Variants in CPA6 observed in about 807,000 individuals in gnomAD.
The protein encoded by CPA6 is carboxypeptidase A6.
Under a neutral mutation model 63.3 loss-of-function variants are expected in CPA6, and 58 were observed. The ratio of observed to expected loss-of-function variants is 0.92; its 90% confidence interval spans 0.74 to 1.14. The LOEUF (loss-of-function observed/expected upper bound fraction) is 1.14, where lower values mean the gene tolerates loss of function less well. Among genes scored for constraint, CPA6 ranks in the 50% most tolerant of loss-of-function variants. The probability of loss-of-function intolerance (pLI) is 0.00; values close to 1 mark genes in which losing one functional copy is unlikely to be tolerated. For missense variants in CPA6, 565 were observed against 526.6 expected (o/e 1.07, Z -0.71); for synonymous variants, 185 against 179.0 (o/e 1.03, Z -0.27).
At chr8:67,580,326 C>A (rs535611880) in intron 2 of CPA6, among the ~76,000 whole-genome samples, 67 of 152,338 alleles carry the variant, frequency 4.4e-4, no homozygotes, top group African/African-American at 1.6e-3. Flanking sequence ...CTTCTACCAA[C>A]ACAAGTTGAG....
intron 8 of CPA6, among the ~76,000 whole-genome samples, chr8:67,437,177 C>T (rs1273112446): frequency 2.0e-5 from 3 of 152,116 alleles, no homozygotes; most frequent in Non-Finnish European, 4.4e-5. Context: ...GGGCGGATCA[C>T]GAGGTCAGGA....
intron 2 of CPA6, among the ~76,000 whole-genome samples, chr8:67,583,820 C>T (rs752882582): frequency 3.3e-5 from 5 of 151,932 alleles, no homozygotes; most frequent in Non-Finnish European, 7.4e-5. Context: ...GAAAATAATA[C>T]GGGTACTATA....
rs956019975 is a variant in CPA6, at chr8:67,575,916, C to T, written c.192+48260G>A. Among the ~76,000 whole-genome samples, 111 of 150,834 alleles carry T rather than the reference C, an allele frequency of 7.4e-4. 2 individuals are homozygous for T. The highest frequency in any genetic ancestry group is 9.2e-4 in the Admixed American group (14 of 15,156). On this transcript the variant is annotated intron_variant, in intron 2 of 10. Transcript: ENST00000297770. ...AAAAAATCATGTGAAGTGAAATAAA[C>T]CAAACACAGAAAAACAAATAACACA...
chr8:67,452,682 G>A (rs2128955896), intron 8 of CPA6: 1 of 152,332 alleles, frequency 6.6e-6, no homozygotes, highest in East Asian at 1.9e-4. Flanking sequence ...CACAGTGAAA[G>A]CGAGAATTCT....
At chr8:67,443,955 CT>C (rs1336567186) in intron 8 of CPA6, among the ~76,000 whole-genome samples, 1 of 150,990 alleles carries the variant, frequency 6.6e-6, no homozygotes, top group Non-Finnish European at 1.5e-5. Flanking sequence ...TTGATAACAT[CT>C]TACCTCTCTG....
chr8:67,526,663 A>T (rs1812370402), intron 2 of CPA6, among the ~76,000 whole-genome samples: 1 of 152,184 alleles, frequency 6.6e-6, no homozygotes, highest in Non-Finnish European at 1.5e-5. Context: ...CTATCAGGCC[A>T]GGTGGTTGGG....
At chr8:67,683,968 G>T (rs568590645) in intron 1 of CPA6, among the ~76,000 whole-genome samples, 1 of 141,786 alleles carries the variant, frequency 7.1e-6, no homozygotes, top group East Asian at 2.1e-4. Flanking sequence ...GGGACTAGAG[G>T]CACATGCTGT....
intron 2 of CPA6, among the ~76,000 whole-genome samples, chr8:67,544,547 T>C (rs1303046530): frequency 1.3e-5 from 2 of 152,140 alleles, no homozygotes; most frequent in Non-Finnish European, 2.9e-5. Context: ...AAAACAGATG[T>C]CCCATATCCT....
intron 8 of CPA6, among the ~76,000 whole-genome samples, chr8:67,450,344 G>A (rs1810527906): frequency 6.6e-6 from 1 of 152,060 alleles, no homozygotes; most frequent in Admixed American, 6.6e-5. Context: ...CCCTCTTATA[G>A]ATAACTAAAC....
intron 1 of CPA6, among the ~76,000 whole-genome samples, chr8:67,712,097 C>T (rs1409024021): frequency 1.3e-5 from 2 of 152,128 alleles, no homozygotes; most frequent in Non-Finnish European, 2.9e-5. Flanking sequence ...CCACCGAGCT[C>T]GACCTGTGCA....
intron 1 of CPA6, among the ~76,000 whole-genome samples, chr8:67,629,431 T>C (rs1815268152): frequency 6.9e-6 from 1 of 145,030 alleles, no homozygotes; most frequent in Admixed American, 7.0e-5. Flanking sequence ...CAGTGAGCTA[T>C]GATCAAGGCA....
At chr8:67,547,077 C>T (rs879845497) in intron 2 of CPA6, among the ~76,000 whole-genome samples, 21 of 152,062 alleles carry the variant, frequency 1.4e-4, no homozygotes, top group African/African-American at 2.7e-4. Context: ...GATGGAGTCT[C>T]GCTCTGTCAC....
intron 9 of CPA6, among the ~76,000 whole-genome samples, chr8:67,431,528 C>G (rs1366538705): frequency 6.6e-6 from 1 of 151,976 alleles, no homozygotes; most frequent in Non-Finnish European, 1.5e-5. Context: ...GTGCCCAGCC[C>G]TCATACAATA....
intron 1 of CPA6, among the ~76,000 whole-genome samples, chr8:67,670,065 G>A (rs549542492): frequency 6.6e-6 from 1 of 152,294 alleles, no homozygotes; most frequent in Admixed American, 6.5e-5. Context: ...TCCTTTGAGA[G>A]GTGTAAAGAA....
intron 1 of CPA6, among the ~76,000 whole-genome samples, chr8:67,714,103 A>G (rs1365973499): frequency 6.6e-6 from 1 of 152,204 alleles, no homozygotes; most frequent in Non-Finnish European, 1.5e-5. Context: ...AAATGTTCCA[A>G]GTATCTATAA....
intron 8 of CPA6, among the ~76,000 whole-genome samples, chr8:67,448,639 G>GAAAAAAAAAAAAAAAAAAAAAAAAAAAA (rs61317091): frequency 1.3e-4 from 3 of 23,292 alleles, no homozygotes; most frequent in African/African-American, 5.0e-4. Context: ...CTCAAAAAAG[G>GAAAAAAAAAAAAAAAAAAAAAAAAAAAA]AAAAAAAAAA....
chr8:67,447,562 AGGT>A (rs2128955200), intron 8 of CPA6, among the ~76,000 whole-genome samples: 1 of 150,750 alleles, frequency 6.6e-6, no homozygotes, highest in East Asian at 1.9e-4. Flanking sequence ...CATTTTAAAT[AGGT>A]GATAAATTCA....
At chr8:67,441,190 C>G (rs1466938795) in intron 8 of CPA6, among the ~76,000 whole-genome samples, 1 of 152,038 alleles carries the variant, frequency 6.6e-6, no homozygotes, top group East Asian at 1.9e-4. Context: ...TTAAAAAATT[C>G]AATAGTGTAA....
chr8:67,426,115 C>T (rs1232328088), intron 10 of CPA6, among the ~76,000 whole-genome samples: 1 of 152,078 alleles, frequency 6.6e-6, no homozygotes, highest in Non-Finnish European at 1.5e-5. Context: ...ATTACAGGTG[C>T]ATGCCACTAT....
Sources: gnomAD v4.1 joint callset for allele counts (sites outside exome capture counted in the v4.1 genomes callset) on GRCh38, gnomAD v4.1.1 for gene constraint, MANE v1.5 for transcripts, NCBI Gene and HGNC (gene_info 2026-07-23, HGNC 2026-07-21) for gene names.